Variants in RASA4B observed in about 807,000 individuals in gnomAD.
RASA4B encodes RAS p21 protein activator 4B, also known as ras GTPase-activating protein 4B.
Under a neutral mutation model 24.2 loss-of-function variants are expected in RASA4B, and 2 were observed. The observed-to-expected ratio is 0.08, with a 90% CI of 0.03 to 0.26. The LOEUF (loss-of-function observed/expected upper bound fraction) is 0.26. RASA4B is among the 10% of genes least tolerant of loss of function. The probability of loss-of-function intolerance (pLI) is 1.00; values close to 1 mark genes in which losing one functional copy is unlikely to be tolerated. For missense variants in RASA4B, 8 were observed against 277.2 expected (o/e 0.03, Z 6.90); for synonymous variants, 2 against 125.6 (o/e 0.02, Z 6.58).
At chr7:102,506,320 G>A (rs1210441256) in intron 5 of RASA4B, among the ~76,000 whole-genome samples, 5 of 152,296 alleles carry the variant, frequency 3.3e-5, no homozygotes, top group Non-Finnish European at 5.9e-5. Context: ...GCGCCATCTC[G>A]GCTCACTGCA....
Position 102,481,198 on chromosome 7 carries a change from G to C in RASA4B, c.*2394C>G. ...CCACTATTTAGTTCAAAAATTTCAA[G>C]TCTCCTTTATTTTCCCTTTTTTTTT... On this transcript the variant is annotated 3_prime_UTR_variant, in exon 21 of 21. Coordinates refer to ENST00000465829, the MANE Select transcript of RASA4B (RefSeq NM_001367767.2). 1.1e-5 allele frequency among the ~76,000 whole-genome samples: 1 copy of C among 90,068 alleles called. No homozygotes were observed. The highest frequency in any genetic ancestry group is 2.7e-5 in the Non-Finnish European group (1 of 37,092). 59.1% of individuals were successfully genotyped at this position (90,068 alleles called of 152,430 possible). A position where few individuals can be genotyped will look rare whatever the true frequency, so the allele number is the denominator to read the frequency against.
intron 18 of RASA4B, chr7:102,487,953 CAACAA>C (rs1798768659): frequency 4.9e-4 from 1 of 2,048 alleles, no homozygotes; most frequent in African/African-American, 2.8e-3. Context: ...ACAACAACAA[CAACAA>C]AACAAGAGCA....
At chr7:102,511,448 G>A (rs1276764621) in intron 2 of RASA4B, among the ~76,000 whole-genome samples, 2 of 116,118 alleles carry the variant, frequency 1.7e-5, no homozygotes, top group Non-Finnish European at 3.8e-5. Context: ...AGGGAGCTCA[G>A]GCTCTGGGGT....
At chr7:102,497,219 C>G (rs1245912350) in intron 8 of RASA4B, among the ~76,000 whole-genome samples, 3 of 151,356 alleles carry the variant, frequency 2.0e-5, no homozygotes, top group Admixed American at 6.6e-5. Context: ...CTGCCACCTC[C>G]AAGCTTGGGT....
chr7:102,491,937 A>AC (rs61707878), intron 16 of RASA4B, among the ~76,000 whole-genome samples: 12,649 of 20,790 alleles, frequency 0.61, 3,289 homozygotes, highest in East Asian at 0.97. Flanking sequence ...GCATAGCAAG[A>AC]CCCCATCTCC....
rs1798651854 is a variant in RASA4B at position 102,484,783 on chromosome 7, T to C, written c.2225+256A>G. Among the ~76,000 whole-genome samples the C allele has an allele frequency of 2.0e-5, 3 of 148,724 alleles. No homozygotes were observed. In the Admixed American group the frequency reaches 2.1e-4, roughly 10 times the overall value. On this transcript the variant is annotated intron_variant, in intron 19 of 20. Transcript: ENST00000465829. ...GAACTCAGGGAATTGGCTGAGGCTG[T>C]GCCTGTACTCCAAGGGCCCAGGGGA...
chr7:102,492,577 C>T (rs1798988418), intron 16 of RASA4B, among the ~76,000 whole-genome samples: 2 of 137,746 alleles, frequency 1.5e-5, no homozygotes, highest in Non-Finnish European at 3.3e-5. Flanking sequence ...AATAGTACTA[C>T]CTGCCAGGCC....
chr7:102,489,556 G>C (rs28431891), intron 17 of RASA4B, among the ~76,000 whole-genome samples: 6,324 of 136,030 alleles, frequency 0.046, 10 homozygotes, highest in African/African-American at 0.13. Context: ...GCAGTGGCTC[G>C]ATCTCAGCTC....
At chr7:102,491,407 G>A (rs1271146448) in intron 16 of RASA4B, among the ~76,000 whole-genome samples, 5 of 30,946 alleles carry the variant, frequency 1.6e-4, no homozygotes, top group Non-Finnish European at 2.2e-4. Flanking sequence ...CAATCCGGCC[G>A]TGGCCAAGGC....
At chr7:102,494,025 C>CA in intron 14 of RASA4B, 56 bp from the exon 15 acceptor site, 1 of 166,870 alleles carries the variant, frequency 6.0e-6, no homozygotes, top group Non-Finnish European at 1.3e-5. Context: ...CTAGCCACTG[C>CA]ACCCCCTCCC....
intron 5 of RASA4B, among the ~76,000 whole-genome samples, chr7:102,506,472 C>G (rs1799512667): frequency 6.6e-6 from 1 of 151,306 alleles, no homozygotes. Context: ...GTCTTGAACT[C>G]CTGGCCTCAG....
At chr7:102,487,385 A>G (rs1691322367) in intron 18 of RASA4B, among the ~76,000 whole-genome samples, 3 of 24,890 alleles carry the variant, frequency 1.2e-4, no homozygotes, top group Non-Finnish European at 3.6e-4. Flanking sequence ...AGTACTACAC[A>G]GTATGGAGTC....
chr7:102,489,494 A>ATTT (rs1798823949), intron 17 of RASA4B, among the ~76,000 whole-genome samples: 3 of 123,412 alleles, frequency 2.4e-5, no homozygotes, highest in South Asian at 5.9e-4. Context: ...TTTACTAATT[A>ATTT]ATTTATTTAT....
In RASA4B at chr7:102,480,594, C is replaced by T. The variant is rs1475316141; in HGVS notation, c.*2998G>A. Among the ~76,000 whole-genome samples, 6 of 65,134 alleles carry T rather than the reference C, an allele frequency of 9.2e-5. No individual in the cohort carries two copies. Among genetic ancestry groups the T allele is most frequent in the African/African-American group, 2.8e-4 (6 of 21,308 alleles). 42.7% of individuals were successfully genotyped at this position (65,134 alleles called of 152,430 possible). On this transcript the variant is annotated 3_prime_UTR_variant, in exon 21 of 21. Coordinates refer to ENST00000465829, the MANE Select transcript of RASA4B (RefSeq NM_001367767.2). ...CATCTCTTGTCTGTAATTATCAGCTCGTGGCTACCTCTACCTCTCCCCTCT... is the reference window on the plus strand; with the variant it reads ...CATCTCTTGTCTGTAATTATCAGCTTGTGGCTACCTCTACCTCTCCCCTCT...
At chr7:102,488,860 C>CTT (rs1414813738) in intron 17 of RASA4B, among the ~76,000 whole-genome samples, 1 of 147,816 alleles carries the variant, frequency 6.8e-6, no homozygotes, top group Non-Finnish European at 1.5e-5. Flanking sequence ...TGGCTAATTT[C>CTT]TTTTTTTTAG....
Position 102,498,549 on chromosome 7 carries a change from G to A in RASA4B, c.738-1585C>T, listed in dbSNP as rs1341711758. Among the ~76,000 whole-genome samples, 9 of 142,750 alleles carry A rather than the reference G, an allele frequency of 6.3e-5. 1 individual carries two copies. The highest frequency in any genetic ancestry group is 2.3e-4 in the African/African-American group (9 of 38,782). The allele number at this position is 142,750 out of a possible 152,430, so 93.6% of individuals were successfully genotyped here. A position where few individuals can be genotyped will look rare whatever the true frequency, so the allele number is the denominator to read the frequency against. On this transcript the variant is annotated intron_variant, in intron 8 of 20. Coordinates refer to ENST00000465829, the MANE Select transcript of RASA4B (RefSeq NM_001367767.2). ...GCTGAGATTACAGGCATGAGCCACC[G>A]CACCCGGCTGTTTTCTTGAGACGGA...
Position 102,487,300 on chromosome 7 carries a change from A to C in RASA4B, c.2104+1163T>G, listed in dbSNP as rs1020490724. 3.5e-5 allele frequency among the ~76,000 whole-genome samples: 3 copies of C among 85,034 alleles called. 1 individual carries two copies. The East Asian group carries it at 1.8e-3, about 50-fold the overall frequency. The allele number at this position is 85,034 out of a possible 152,430, so 55.8% of individuals were successfully genotyped here. A position where few individuals can be genotyped will look rare whatever the true frequency, so the allele number is the denominator to read the frequency against. On this transcript the variant is annotated intron_variant, in intron 18 of 20. Transcript: ENST00000465829. ...AACAGAGCAAGACCCTGTTTTAAAA[A>C]ATTAAACAAAAAAAACCCCTCAGCT... is the stretch of plus-strand genomic sequence containing the variant.
intron 16 of RASA4B, among the ~76,000 whole-genome samples, chr7:102,492,734 G>T (rs1235208900): frequency 1.3e-5 from 1 of 76,470 alleles, no homozygotes; most frequent in African/African-American, 2.8e-5. Context: ...GCACGATCTC[G>T]GCTCACTGCA....
chr7:102,495,907 A>G (rs1220473757), intron 11 of RASA4B, among the ~76,000 whole-genome samples: 3 of 147,134 alleles, frequency 2.0e-5, no homozygotes, highest in African/African-American at 7.4e-5. Flanking sequence ...GGGTTTCGCC[A>G]TGTTGGCCAG....
Sources: gnomAD v4.1 joint callset for allele counts (sites outside exome capture counted in the v4.1 genomes callset) on GRCh38, gnomAD v4.1.1 for gene constraint, MANE v1.5 for transcripts, NCBI Gene and HGNC (gene_info 2026-07-23, HGNC 2026-07-21) for gene names.